The following GALNT13 variants were observed in gnomAD, a reference collection of about 807,000 sequenced individuals.
The protein encoded by GALNT13 is UDP-GalNAc:polypeptide N-acetylgalactosaminyltransferase 13.
Under a neutral mutation model 64.2 loss-of-function variants are expected in GALNT13, and 28 were observed. The ratio of observed to expected loss-of-function variants is 0.44; its 90% CI spans 0.32 to 0.60. The LOEUF (loss-of-function observed/expected upper bound fraction) is 0.60. Ranked by LOEUF, GALNT13 falls within the 20% of genes least tolerant of loss-of-function variation. The probability of loss-of-function intolerance (pLI) is 0.05; values close to 1 mark genes in which losing one functional copy is unlikely to be tolerated. For missense variants in GALNT13, 577 were observed against 669.8 expected, an observed-to-expected ratio of 0.86 and a Z score of 1.53; for synonymous variants, 214 against 224.6, an observed-to-expected ratio of 0.95 and a Z score of 0.42.
At chr2:154,202,040 C>T (rs948115051) in intron 4 of GALNT13, among the ~76,000 whole-genome samples, 7 of 152,090 alleles carry the variant, frequency 4.6e-5, no homozygotes, top group African/African-American at 1.2e-4. Flanking sequence ...ATACTGCTTA[C>T]CCTTTGATTT....
the GALNT13 span, among the ~76,000 whole-genome samples, chr2:153,397,556 A>G: frequency 1.3e-5 from 2 of 151,994 alleles, no homozygotes; most frequent in African/African-American, 2.4e-5. Flanking sequence ...CAATATTTTA[A>G]CTAGATGTTA....
chr2:153,818,349 A>G, the GALNT13 span, among the ~76,000 whole-genome samples: 1 of 152,200 alleles, frequency 6.6e-6, no homozygotes, highest in African/African-American at 2.4e-5. Flanking sequence ...AATAGAGGCC[A>G]TAGCCACACT....
the GALNT13 span, among the ~76,000 whole-genome samples, chr2:153,139,355 C>G: frequency 2.6e-5 from 4 of 151,890 alleles, no homozygotes; most frequent in African/African-American, 9.7e-5. Context: ...GCTCAAATGT[C>G]CTTTTTTGAA....
chr2:153,929,684 C>T (rs531925728), intron 2 of GALNT13, among the ~76,000 whole-genome samples: 8 of 152,210 alleles, frequency 5.3e-5, no homozygotes, highest in African/African-American at 1.9e-4. Flanking sequence ...CGGTTTCATT[C>T]TTTTTATGGC....
chr2:154,172,292 A>G (rs1251316135), intron 4 of GALNT13, among the ~76,000 whole-genome samples: 3 of 152,146 alleles, frequency 2.0e-5, no homozygotes, highest in Admixed American at 6.6e-5. Context: ...TCTTTGTGCT[A>G]TAAACATTCA....
chr2:154,064,709 C>T (rs1459469761), intron 3 of GALNT13, among the ~76,000 whole-genome samples: 2 of 152,092 alleles, frequency 1.3e-5, no homozygotes, highest in East Asian at 1.9e-4. Flanking sequence ...AACCGTGGGA[C>T]CCTGAAAATC....
chr2:153,344,568 T>G, the GALNT13 span, among the ~76,000 whole-genome samples: 1 of 152,098 alleles, frequency 6.6e-6, no homozygotes, highest in African/African-American at 2.4e-5. Flanking sequence ...ATATAAGCAT[T>G]CCCCAGCTTT....
the GALNT13 span, among the ~76,000 whole-genome samples, chr2:153,202,799 T>C: frequency 6.6e-6 from 1 of 152,240 alleles, no homozygotes; most frequent in African/African-American, 2.4e-5. Context: ...AAAAAACATA[T>C]ATTTGTTATT....
chr2:154,334,105 A>G lies in GALNT13; in HGVS notation c.1156+32516A>G, dbSNP rs1350583047. 2.0e-5 allele frequency among the ~76,000 whole-genome samples: 3 copies of G among 150,888 alleles called. No individual in the cohort carries two copies. The East Asian group carries it at 6.1e-4, about 30-fold the overall frequency. On this transcript the variant is annotated intron_variant, in intron 9 of 12. Coordinates refer to ENST00000392825, the MANE Select transcript of GALNT13 (RefSeq NM_052917.4). ...TTTCTCTTCTCTTTTATATGATGTT[A>G]AAACATTCCATTCTATCTCCTTTAC...
chr2:153,295,922 T>G, the GALNT13 span, among the ~76,000 whole-genome samples: 1 of 152,130 alleles, frequency 6.6e-6, no homozygotes, highest in Non-Finnish European at 1.5e-5. Context: ...TACATCTGAC[T>G]TTTGGTTTTC....
At chr2:153,337,465 T>A in the GALNT13 span, among the ~76,000 whole-genome samples, 1 of 152,148 alleles carries the variant, frequency 6.6e-6, no homozygotes, top group African/African-American at 2.4e-5. Context: ...TTATGTAAAA[T>A]CTATAACACT....
the GALNT13 span, among the ~76,000 whole-genome samples, chr2:153,538,380 T>C: frequency 7.0e-6 from 1 of 142,404 alleles, no homozygotes; most frequent in South Asian, 2.2e-4. Flanking sequence ...TATTTTATTT[T>C]ATTTTATTTT....
chr2:153,778,519 T>A, the GALNT13 span, among the ~76,000 whole-genome samples: 1 of 152,178 alleles, frequency 6.6e-6, no homozygotes, highest in Non-Finnish European at 1.5e-5. Flanking sequence ...GGTGAGGAAG[T>A]GCAATTCTCC....
intron 4 of GALNT13, among the ~76,000 whole-genome samples, chr2:154,166,222 TG>T (rs1449795712): frequency 1.3e-5 from 2 of 152,122 alleles, no homozygotes; most frequent in Non-Finnish European, 2.9e-5. Flanking sequence ...CTGTCCAACA[TG>T]GTGAAACCCC....
chr2:153,551,922 C>T, the GALNT13 span, among the ~76,000 whole-genome samples: 1 of 152,064 alleles, frequency 6.6e-6, no homozygotes, highest in African/African-American at 2.4e-5. Context: ...GAAGAGTGAA[C>T]TGAGCCCTGG....
chr2:154,291,035 G>A (rs889390827), intron 8 of GALNT13, among the ~76,000 whole-genome samples: 7 of 152,092 alleles, frequency 4.6e-5, no homozygotes, highest in Non-Finnish European at 1.0e-4. Context: ...CAAAGAGTGA[G>A]CAGCAGCAAG....
chr2:154,092,262 G>A (rs1381596067), intron 3 of GALNT13, among the ~76,000 whole-genome samples: 1 of 151,848 alleles, frequency 6.6e-6, no homozygotes, highest in African/African-American at 2.4e-5. Context: ...ATATTGGTAG[G>A]AATTGCTGTA....
chr2:153,357,587 G>A, the GALNT13 span, among the ~76,000 whole-genome samples: 1 of 152,058 alleles, frequency 6.6e-6, no homozygotes, highest in Non-Finnish European at 1.5e-5. Context: ...TGTTTTTCTT[G>A]AGACAATTGT....
chr2:153,717,896 C>T, the GALNT13 span, among the ~76,000 whole-genome samples: 22 of 151,998 alleles, frequency 1.4e-4, no homozygotes, highest in Non-Finnish European at 2.9e-4. Context: ...CAATTATTTA[C>T]GCTAAATTTA....
Sources: allele counts gnomAD v4.1 joint callset (sites outside exome capture counted in the v4.1 genomes callset), GRCh38; gene constraint gnomAD v4.1.1; transcripts MANE v1.5; gene names NCBI Gene and HGNC (gene_info 2026-07-23, HGNC 2026-07-21).